The following SIPA1L1 variants were observed in gnomAD, a reference collection of about 807,000 sequenced individuals.
SIPA1L1 encodes signal-induced proliferation-associated 1-like protein 1.
A neutral mutation model predicts 162.7 loss-of-function variants in SIPA1L1; 26 were observed. The observed-to-expected ratio is 0.16, with a 90% confidence interval of 0.12 to 0.22. SIPA1L1 has a LOEUF of 0.22. SIPA1L1 is among the 10% of genes least tolerant of loss of function. The pLI is 1.00. For synonymous variants in SIPA1L1, 829 were observed against 837.4 expected (o/e 0.99, Z 0.17); for missense variants, 1,874 against 2,241.0 (o/e 0.84, Z 3.31).
At chr14:71,422,999 T>G (rs1449536788) in intron 2 of SIPA1L1, among the ~76,000 whole-genome samples, 2 of 152,216 alleles carry the variant, frequency 1.3e-5, no homozygotes, top group East Asian at 1.9e-4. Flanking sequence ...TATTTTCTGG[T>G]TTTTTGATAG....
chr14:71,535,583 G>T (rs935959935), intron 4 of SIPA1L1, among the ~76,000 whole-genome samples: 1 of 151,938 alleles, frequency 6.6e-6, no homozygotes, highest in East Asian at 1.9e-4. Flanking sequence ...ATAACTGAAT[G>T]TCAGAATCCC....
At position 71,606,268 on chromosome 14, in the gene SIPA1L1, C is replaced by T. The variant is rs566653849; in HGVS notation, c.1499-12489C>T. Among the ~76,000 whole-genome samples the T allele has an allele frequency of 8.4e-4, 128 of 152,224 alleles. 1 individual carries two copies. Among genetic ancestry groups the T allele is most frequent in the Middle Eastern group, 3.4e-3 (1 of 294 alleles). ...GCCCACAACAAAGGCACCTGCAGGCCGTGAAGTCTGTCTGGGCATGTGAAA... is the reference window on the plus strand; with the variant it reads ...GCCCACAACAAAGGCACCTGCAGGCTGTGAAGTCTGTCTGGGCATGTGAAA... On this transcript the variant is annotated intron_variant, in intron 5 of 23. Coordinates refer to ENST00000381232, the MANE Select transcript of SIPA1L1 (RefSeq NM_001386936.1).
intron 6 of SIPA1L1, 77 bp downstream of exon 6, chr14:71,618,964 T>TA (rs2039117719): frequency 6.8e-7 from 1 of 1,462,644 alleles, no homozygotes; most frequent in African/African-American, 1.4e-5. Context: ...GCAAAGCAAT[T>TA]AAATTTAATA....
At chr14:71,464,773 G>A (rs2046862959) in intron 2 of SIPA1L1, among the ~76,000 whole-genome samples, 1 of 152,094 alleles carries the variant, frequency 6.6e-6, no homozygotes, top group African/African-American at 2.4e-5. Context: ...CCATTCCCAT[G>A]GCTGTTCTCC....
intron 5 of SIPA1L1, among the ~76,000 whole-genome samples, chr14:71,590,329 C>T (rs2035226786): frequency 6.6e-6 from 1 of 151,958 alleles, no homozygotes; most frequent in South Asian, 2.1e-4. Flanking sequence ...GATTGGTCAT[C>T]TCTGTAGCCA....
At chr14:71,544,236 A>G (rs749733565) in intron 4 of SIPA1L1, among the ~76,000 whole-genome samples, 5 of 145,972 alleles carry the variant, frequency 3.4e-5, no homozygotes, top group Non-Finnish European at 7.7e-5. Flanking sequence ...TATATCATGT[A>G]TGTATACACA....
intron 9 of SIPA1L1, among the ~76,000 whole-genome samples, chr14:71,660,050 T>C (rs907057947): frequency 8.5e-5 from 13 of 152,184 alleles, no homozygotes; most frequent in African/African-American, 3.1e-4. Flanking sequence ...GATTTGTTTC[T>C]ATTTGGGTCC....
chr14:71,629,960 C>T (rs938793678), intron 7 of SIPA1L1, among the ~76,000 whole-genome samples: 9 of 152,098 alleles, frequency 5.9e-5, no homozygotes, highest in African/African-American at 1.9e-4. Flanking sequence ...TGCCTTGCTG[C>T]GTTATTTTAT....
chr14:71,399,430 G>C (rs920787096), intron 2 of SIPA1L1, among the ~76,000 whole-genome samples: 1 of 152,134 alleles, frequency 6.6e-6, no homozygotes, highest in Non-Finnish European at 1.5e-5. Context: ...TTTGAAACAG[G>C]GTCTTGCTCT....
intron 2 of SIPA1L1, among the ~76,000 whole-genome samples, chr14:71,347,264 A>G (rs1594928828): frequency 6.6e-6 from 1 of 152,162 alleles, no homozygotes; most frequent in East Asian, 1.9e-4. Context: ...CCCAAACAAA[A>G]TGTAGTATTT....
At chr14:71,481,465 G>T (rs2048346646) in intron 2 of SIPA1L1, among the ~76,000 whole-genome samples, 1 of 152,064 alleles carries the variant, frequency 6.6e-6, no homozygotes, top group Non-Finnish European at 1.5e-5. Context: ...ATTCTAGCCT[G>T]GGTGATAGCC....
chr14:71,417,040 C>A (rs1220529781), intron 2 of SIPA1L1, among the ~76,000 whole-genome samples: 1 of 152,016 alleles, frequency 6.6e-6, no homozygotes, highest in African/African-American at 2.4e-5. Context: ...CATGAACCAC[C>A]GTGCCTGGCC....
At chr14:71,327,422 C>T (rs1430570594) in intron 2 of SIPA1L1, among the ~76,000 whole-genome samples, 3 of 152,132 alleles carry the variant, frequency 2.0e-5, no homozygotes, top group African/African-American at 7.2e-5. Flanking sequence ...CGTTTCTTTT[C>T]AGTTCTTGAT....
chr14:71,722,828 C>T (rs1053774350), intron 17 of SIPA1L1, among the ~76,000 whole-genome samples: 1 of 152,144 alleles, frequency 6.6e-6, no homozygotes, highest in Non-Finnish European at 1.5e-5. Flanking sequence ...TTCTGCCTCC[C>T]GGGTTCAAGC....
intron 2 of SIPA1L1, among the ~76,000 whole-genome samples, chr14:71,375,938 T>G (rs898524319): frequency 3.9e-5 from 6 of 152,122 alleles, no homozygotes; most frequent in Non-Finnish European, 7.4e-5. Flanking sequence ...TGGTATACCT[T>G]TTTATATAGT....
chr14:71,533,541 C>T lies in SIPA1L1; in HGVS notation c.-303+4171C>T, dbSNP rs1410541277. On this transcript the variant is annotated intron_variant, in intron 4 of 23. Coordinates refer to ENST00000381232, the MANE Select transcript of SIPA1L1 (RefSeq NM_001386936.1). The stretch of plus-strand genomic sequence containing the variant: ...TTGGAATATATGTGAGCAGGCATCT[C>T]AGAGGAATGCGTCTTTGGCAGTAAG... Among the ~76,000 whole-genome samples, 4 of 152,148 alleles carry T rather than the reference C, an allele frequency of 2.6e-5. No homozygotes were observed. In the East Asian group the frequency reaches 7.7e-4, roughly 29 times the overall value.
chr14:71,661,177 A>G, intron 9 of SIPA1L1, 133 bp from the exon 10 acceptor site: 2 of 815,464 alleles, frequency 2.5e-6, no homozygotes, highest in South Asian at 3.6e-5. Flanking sequence ...CATTGACAGT[A>G]CCTGTGTAGA....
At chr14:71,610,140 T>C (rs2038038368) in intron 5 of SIPA1L1, among the ~76,000 whole-genome samples, 1 of 152,218 alleles carries the variant, frequency 6.6e-6, no homozygotes, top group South Asian at 2.1e-4. Flanking sequence ...TGATTTCTAT[T>C]GGTGTCAAAG....
At chr14:71,713,126 A>G (rs1239343524) in intron 17 of SIPA1L1, among the ~76,000 whole-genome samples, 1 of 152,232 alleles carries the variant, frequency 6.6e-6, no homozygotes, top group Non-Finnish European at 1.5e-5. Flanking sequence ...AGGCTGAGGC[A>G]GGAGGATCAT....
Sources: gnomAD v4.1 joint callset for allele counts (sites outside exome capture counted in the v4.1 genomes callset) on GRCh38, gnomAD v4.1.1 for gene constraint, MANE v1.5 for transcripts, NCBI Gene and HGNC (gene_info 2026-07-23, HGNC 2026-07-21) for gene names.